Variants in EPB41L5 observed in about 807,000 individuals in gnomAD.
EPB41L5 encodes erythrocyte membrane protein band 4.1 like 5.
EPB41L5 carries 55 observed loss-of-function variants against 106.6 expected under a neutral mutation model. That is an observed-to-expected ratio of 0.52 (90% CI 0.42 to 0.65). The LOEUF (loss-of-function observed/expected upper bound fraction) is 0.65, where lower values mean the gene tolerates loss of function less well. Among genes scored for constraint, EPB41L5 ranks in the 30% least tolerant of loss-of-function variants. The probability of loss-of-function intolerance (pLI) is 0.00; values close to 1 mark genes in which losing one functional copy is unlikely to be tolerated. For synonymous variants in EPB41L5, 297 were observed against 306.7 expected, an observed-to-expected ratio of 0.97 and a Z score of 0.33; for missense variants, 871 against 882.1, an observed-to-expected ratio of 0.99 and a Z score of 0.16.
At chr2:120,047,890 A>G (rs1558823221) in intron 3 of EPB41L5, among the ~76,000 whole-genome samples, 1 of 152,214 alleles carries the variant, frequency 6.6e-6, no homozygotes, top group African/African-American at 2.4e-5. Flanking sequence ...AATTTTATCA[A>G]AGGCCTTTTC....
intron 10 of EPB41L5, among the ~76,000 whole-genome samples, chr2:120,083,125 G>A (rs1183573335): frequency 1.3e-5 from 2 of 152,104 alleles, no homozygotes; most frequent in African/African-American, 4.8e-5. Flanking sequence ...TGTGATCTTA[G>A]TTATTTCCTG....
intron 2 of EPB41L5, among the ~76,000 whole-genome samples, chr2:120,020,574 A>AG (rs1677852250): frequency 8.7e-6 from 1 of 114,442 alleles, no homozygotes; most frequent in South Asian, 3.0e-4. Context: ...GTGCTTCTTG[A>AG]GGGTTTATCA....
chr2:120,132,855 G>A lies in EPB41L5; in HGVS notation c.1599+1140G>A, dbSNP rs374090422. On this transcript the variant is annotated intron_variant, in intron 18 of 24. Transcript: ENST00000263713. ...GAATGACCCTAAAGAATGAAGCCTG[G>A]TAACACTTGGGGGTAGGGAGGAGTG... is the stretch of plus-strand genomic sequence containing the variant. Among the ~76,000 whole-genome samples the A allele has an allele frequency of 4.9e-4, 75 of 152,176 alleles. No homozygotes were observed. The Middle Eastern group carries it at 0.014, about 28-fold the overall frequency.
chr2:120,034,949 C>T (rs564358357), intron 2 of EPB41L5, among the ~76,000 whole-genome samples: 1 of 152,138 alleles, frequency 6.6e-6, no homozygotes, highest in East Asian at 1.9e-4. Flanking sequence ...TTTTCATTTC[C>T]AATAATGACT....
At chr2:120,091,486 C>T in intron 12 of EPB41L5, 69 bp from the exon 13 acceptor site, 1 of 1,023,390 alleles carries the variant, frequency 9.8e-7, no homozygotes. Context: ...TGAATGTGGA[C>T]TGTCTTATTT....
intron 3 of EPB41L5, among the ~76,000 whole-genome samples, chr2:120,067,457 G>A (rs531835691): frequency 3.3e-5 from 5 of 152,290 alleles, no homozygotes; most frequent in Admixed American, 2.6e-4. Context: ...ACACAGTCAC[G>A]TATATCTTAG....
At chr2:120,162,853 G>A (rs1305431851) in intron 21 of EPB41L5, among the ~76,000 whole-genome samples, 5 of 152,156 alleles carry the variant, frequency 3.3e-5, no homozygotes, top group African/African-American at 4.8e-5. Flanking sequence ...GGGAAGATGC[G>A]AGAGGAGAGA....
At chr2:120,153,346 T>C (rs1433723439) in intron 20 of EPB41L5, among the ~76,000 whole-genome samples, 4 of 152,178 alleles carry the variant, frequency 2.6e-5, no homozygotes, top group Non-Finnish European at 5.9e-5. Flanking sequence ...AGAGAAGATA[T>C]GTGGTATGAC....
chr2:120,075,416 GA>G (rs1558850315), intron 5 of EPB41L5, 59 bp from the exon 6 acceptor site: 9 of 1,269,676 alleles, frequency 7.1e-6, no homozygotes, highest in African/African-American at 4.5e-5. Context: ...AGAAGTGTAA[GA>G]TTTTTTTTCA....
intron 10 of EPB41L5, among the ~76,000 whole-genome samples, chr2:120,085,362 G>T (rs977492845): frequency 6.6e-6 from 1 of 152,202 alleles, no homozygotes; most frequent in East Asian, 1.9e-4. Flanking sequence ...GTTGGAGTTT[G>T]CTGGAGGTCC....
intron 2 of EPB41L5, among the ~76,000 whole-genome samples, chr2:120,027,071 A>T (rs1678370695): frequency 6.6e-6 from 1 of 152,224 alleles, no homozygotes; most frequent in South Asian, 2.1e-4. Flanking sequence ...GTTGGTAAGG[A>T]TATGGACAAA....
In EPB41L5 at chr2:120,177,040, T is replaced by C. The variant is rs1687944028; in HGVS notation, c.*2133T>C. On this transcript the variant is annotated 3_prime_UTR_variant, in exon 25 of 25. Transcript: ENST00000263713. Reference sequence around the variant, plus strand: ...AAGTGGCAAACACGGAAGTTCATACTTGAATGCTGAATTGGCCCCGACAGA... The same window carrying C: ...AAGTGGCAAACACGGAAGTTCATACCTGAATGCTGAATTGGCCCCGACAGA... 6.6e-6 allele frequency: 1 copy of C among 152,166 alleles called. No individual in the cohort carries two copies. 9.4% of individuals were successfully genotyped at this position (152,166 alleles called of 1,614,324 possible).
intron 1 of EPB41L5, among the ~76,000 whole-genome samples, chr2:120,018,299 A>G (rs1183189667): frequency 4.6e-5 from 7 of 152,088 alleles, no homozygotes; most frequent in African/African-American, 1.7e-4. Context: ...ATCAAAGGAT[A>G]CCTTAGTGTC....
intron 3 of EPB41L5, among the ~76,000 whole-genome samples, chr2:120,067,209 T>A (rs1457573329): frequency 6.6e-6 from 1 of 152,240 alleles, no homozygotes; most frequent in Non-Finnish European, 1.5e-5. Context: ...GCTGAACATT[T>A]TATTTAAACA....
chr2:120,036,683 C>G (rs1217085995), intron 2 of EPB41L5, among the ~76,000 whole-genome samples: 1 of 151,868 alleles, frequency 6.6e-6, no homozygotes, highest in Non-Finnish European at 1.5e-5. Flanking sequence ...GAAACAAGAA[C>G]AAAAACTTAC....
intron 17 of EPB41L5, 21 bp from the exon 18 acceptor site, chr2:120,131,597 G>T (rs3738968): frequency 6.4e-7 from 1 of 1,554,888 alleles, no homozygotes; most frequent in African/African-American, 1.4e-5. Flanking sequence ...GGGTTATTTT[G>T]CCTTTTTTTT....
At chr2:120,134,706 C>A (rs905243225) in intron 18 of EPB41L5, among the ~76,000 whole-genome samples, 1 of 152,248 alleles carries the variant, frequency 6.6e-6, no homozygotes, top group Non-Finnish European at 1.5e-5. Context: ...TGTACCTTAA[C>A]AAGCCTGCAA....
At chr2:120,070,576 C>T (rs1287741979) in intron 3 of EPB41L5, among the ~76,000 whole-genome samples, 4 of 152,248 alleles carry the variant, frequency 2.6e-5, no homozygotes, top group South Asian at 4.2e-4. Context: ...AACATCAATG[C>T]GAAAATCCTC....
Position 120,091,596 on chromosome 2 carries a change from G to T in EPB41L5, c.1085G>T (p.Arg362Ile). 6.2e-7 allele frequency: 1 copy of T among 1,613,816 alleles called. No individual in the cohort carries two copies. Among genetic ancestry groups the T allele is most frequent in the Non-Finnish European group, 8.5e-7 (1 of 1,179,826 alleles). Residue 362 changes from arginine (R) to isoleucine (I), a missense_variant, in exon 13 of 25, where the codon AGA (arginine) becomes ATA (isoleucine). By Grantham distance (97) the Arg-to-Ile change is moderately conservative. Coordinates refer to ENST00000263713, the MANE Select transcript of EPB41L5 (RefSeq NM_020909.4). ...EYQTTKTNKA[R>I]RSTSFERRPS... Reference sequence around the variant, plus strand: ...CAGACCACAAAAACCAATAAAGCAAGAAGATCAACATCCTTTGAAAGAAGG... The same window carrying T: ...CAGACCACAAAAACCAATAAAGCAATAAGATCAACATCCTTTGAAAGAAGG...
Sources: allele counts gnomAD v4.1 joint callset (sites outside exome capture counted in the v4.1 genomes callset), GRCh38; gene constraint gnomAD v4.1.1; transcripts MANE v1.5; gene names NCBI Gene and HGNC (gene_info 2026-07-23, HGNC 2026-07-21).